Variants in H2BC12 observed in about 807,000 individuals in gnomAD.
H2BC12 encodes the protein H2B clustered histone 12.
In H2BC12, 6 loss-of-function variants were observed where a neutral mutation model predicts 6.3. The ratio of observed to expected loss-of-function variants is 0.95; its 90% CI spans 0.52 to 1.87. The LOEUF (loss-of-function observed/expected upper bound fraction) is 1.87. Among genes scored for constraint, H2BC12 ranks in the 40% most tolerant of loss-of-function variants. The pLI, the probability that H2BC12 is intolerant of heterozygous loss-of-function variation, is 0.01. For missense variants in H2BC12, 119 were observed against 178.4 expected (o/e 0.67, Z 1.90); for synonymous variants, 132 against 78.5 (o/e 1.68, Z -3.60).
downstream of H2BC12, among the ~76,000 whole-genome samples, chr6:27,144,194 G>A (rs1190516120): frequency 6.6e-6 from 1 of 152,076 alleles, no homozygotes; most frequent in Non-Finnish European, 1.5e-5. Context: ...GGGCGTGGTG[G>A]CTCACACCTG....
At chr6:27,139,990 A>G in the H2BC12 span, 3 of 204,036 alleles carry the variant, frequency 1.5e-5, no homozygotes, top group Non-Finnish European at 3.2e-5. Context: ...CTCAGGAGAT[A>G]ATGAGTTTGA....
At chr6:27,143,178 C>T (rs186437176), downstream of H2BC12, among the ~76,000 whole-genome samples, 182 of 151,978 alleles carry the variant, frequency 1.2e-3, 2 homozygotes, top group South Asian at 0.033. Context: ...ATGGTGAAAT[C>T]CCATCTCTAC....
the H2BC12 span, chr6:27,139,813 A>G: frequency 1.1e-6 from 1 of 939,654 alleles, no homozygotes; most frequent in East Asian, 2.9e-5. Context: ...TTGGGCCGAG[A>G]TTTTTCCAAG....
downstream of H2BC12, chr6:27,146,316 A>G: frequency 6.4e-7 from 1 of 1,560,980 alleles, no homozygotes; most frequent in East Asian, 2.2e-5. Context: ...CCCGAATTTA[A>G]GCCTGGATTA....
chr6:27,145,782 A>C (rs1196921916), downstream of H2BC12, among the ~76,000 whole-genome samples: 1 of 151,934 alleles, frequency 6.6e-6, no homozygotes, highest in Non-Finnish European at 1.5e-5. Flanking sequence ...CCGTTTCTTC[A>C]CTCCTGAGAA....
At chr6:27,140,583 GAATT>G in the H2BC12 span, among the ~76,000 whole-genome samples, 13 of 151,754 alleles carry the variant, frequency 8.6e-5, no homozygotes, top group Admixed American at 3.3e-4. Flanking sequence ...CATGGAAGTG[GAATT>G]ATTTGGTAAA....
At chr6:27,144,036 A>C (rs1210190517), downstream of H2BC12, among the ~76,000 whole-genome samples, 1 of 152,180 alleles carries the variant, frequency 6.6e-6, no homozygotes, top group East Asian at 1.9e-4. Flanking sequence ...TATATGGTAT[A>C]ATGGAAACAA....
chr6:27,139,653 A>T, the H2BC12 span: 1 of 1,575,484 alleles, frequency 6.3e-7, no homozygotes, highest in East Asian at 2.2e-5. Context: ...TTCTCTAAAA[A>T]GGCCCTTTTT....
downstream of H2BC12, among the ~76,000 whole-genome samples, chr6:27,144,460 T>TGGGGGGGG: frequency 5.7e-5 from 1 of 17,636 alleles, no homozygotes; most frequent in African/African-American, 3.9e-4. Context: ...AGACTCTGTC[T>TGGGGGGGG]GGGGGGGGGG....
At chr6:27,141,481 A>G (rs575848730), downstream of H2BC12, among the ~76,000 whole-genome samples, 39 of 152,246 alleles carry the variant, frequency 2.6e-4, no homozygotes, top group Middle Eastern at 6.8e-3. Context: ...CATAGATTCA[A>G]ATTGCCCCGA....
At chr6:27,139,738 G>C in the H2BC12 span, 2 of 1,404,148 alleles carry the variant, frequency 1.4e-6, no homozygotes, top group South Asian at 3.0e-5. Context: ...TTGTCAGTGA[G>C]TTCTGTCATC....
At chr6:27,139,705 A>G in the H2BC12 span, 2 of 1,500,150 alleles carry the variant, frequency 1.3e-6, no homozygotes, top group Non-Finnish European at 1.8e-6. Flanking sequence ...AATGACTGCA[A>G]ACTGAGTCTC....
chr6:27,139,149 G>A, the H2BC12 span: 1,577 of 694,702 alleles, frequency 2.3e-3, 7 homozygotes, highest in South Asian at 6.1e-3. Context: ...ACAAGAGGGA[G>A]TAGAGCACAG....
At chr6:27,139,243 A>G in the H2BC12 span, 1 of 1,513,220 alleles carries the variant, frequency 6.6e-7, no homozygotes, top group Non-Finnish European at 8.9e-7. Flanking sequence ...TCTGGTCCGC[A>G]GAGGTTACCC....
downstream of H2BC12, among the ~76,000 whole-genome samples, chr6:27,144,459 C>CT (rs1167608751): frequency 0.012 from 4 of 322 alleles, 1 homozygote; most frequent in African/African-American, 0.038. Flanking sequence ...GAGACTCTGT[C>CT]TGGGGGGGGG....
chr6:27,145,485 C>T (rs192426665), downstream of H2BC12, among the ~76,000 whole-genome samples: 2 of 152,306 alleles, frequency 1.3e-5, no homozygotes, highest in Non-Finnish European at 1.5e-5. Flanking sequence ...ATTCTAGCCT[C>T]TAATCACACA....
downstream of H2BC12, among the ~76,000 whole-genome samples, chr6:27,145,131 A>T (rs898834728): frequency 2.6e-5 from 4 of 152,328 alleles, no homozygotes; most frequent in East Asian, 5.8e-4. Context: ...TTAGAATATT[A>T]ATGTAACCCC....
In H2BC12 at chr6:27,146,729, T is replaced by A; in HGVS notation, c.70A>T (p.Lys24Ter). The A allele has an allele frequency of 6.2e-7, 1 of 1,614,250 alleles. No homozygotes were observed. The highest frequency in any genetic ancestry group is 1.1e-5 in the South Asian group (1 of 91,088). The change falls in exon 1 of 1, where the codon AAG becomes TAG. Residue 24 changes from lysine to a stop codon, truncating the protein, a stop_gained. Coordinates refer to ENST00000356950, the MANE Select transcript of H2BC12 (RefSeq NM_001312653.2). LOFTEE classifies it high-confidence loss of function. Reference protein sequence around the residue: ...GSKKAVTKAQKKDGKKRKRSR... With the variant: ...GSKKAVTKAQ ...CGCTTGCGCTTCTTGCCGTCCTTCT[T>A]CTGCGCCTTAGTCACGGCTTTCTTC... is the stretch of plus-strand genomic sequence containing the variant.
downstream of H2BC12, among the ~76,000 whole-genome samples, chr6:27,145,686 A>G (rs1200756144): frequency 6.6e-6 from 1 of 152,222 alleles, no homozygotes; most frequent in Non-Finnish European, 1.5e-5. Flanking sequence ...TGTCAAAAGG[A>G]AAAATTACTG....
Sources: gnomAD v4.1 joint callset for allele counts (sites outside exome capture counted in the v4.1 genomes callset) on GRCh38, gnomAD v4.1.1 for gene constraint, MANE v1.5 for transcripts, NCBI Gene and HGNC (gene_info 2026-07-23, HGNC 2026-07-21) for gene names.